WDR44: variants seen among roughly 807,000 people sequenced by gnomAD.
The protein encoded by WDR44 is WD repeat domain 44.
A neutral mutation model predicts 65.7 loss-of-function variants in WDR44; 9 were observed. The ratio of observed to expected loss-of-function variants is 0.14; its 90% CI spans 0.08 to 0.24. The LOEUF (loss-of-function observed/expected upper bound fraction) is 0.24. Among genes scored for constraint, WDR44 ranks in the 10% least tolerant of loss-of-function variants. The pLI is 1.00. For missense variants in WDR44, 425 were observed against 670.9 expected (o/e 0.63, Z 4.05); for synonymous variants, 220 against 235.2 (o/e 0.94, Z 0.59).
chrX:118,394,771 G>A (rs1371714504), intron 5 of WDR44, among the ~76,000 whole-genome samples: 1 of 111,258 alleles, frequency 9.0e-6, no homozygotes, highest in African/African-American at 3.3e-5. Flanking sequence ...GCAGGGGTCA[G>A]TAGTGGCCTG....
At chrX:118,440,949 CTTTTTTTTTTTTTT>C (rs1214126337) in intron 14 of WDR44, among the ~76,000 whole-genome samples, 3 of 50,359 alleles carry the variant, frequency 6.0e-5, no homozygotes, top group Non-Finnish European at 1.0e-4. Flanking sequence ...TAAATGAAAT[CTTTTTTTTTTTTTT>C]TTTTTTTTTT....
intron 12 of WDR44, among the ~76,000 whole-genome samples, chrX:118,424,714 T>G: frequency 9.0e-6 from 1 of 110,965 alleles, no homozygotes; most frequent in East Asian, 2.8e-4. Context: ...TACAGTCCCG[T>G]TTGTCTATTT....
rs184080675 is a variant in WDR44 at position 118,441,078 on chromosome X, G to A, written c.1975-290G>A. 5.9e-3 allele frequency among the ~76,000 whole-genome samples: 600 copies of A among 101,094 alleles called. 3 individuals carry two copies. Among genetic ancestry groups the A allele is most frequent in the African/African-American group, 0.021 (566 of 26,965 alleles). The allele number at this position is 101,094 out of a possible 115,157, so 87.8% of individuals were successfully genotyped here. A position where few individuals can be genotyped will look rare whatever the true frequency, so the allele number is the denominator to read the frequency against. ...GGGTTCAAGCGATTCTCCTGCCTCAGCCTCCCGAGTAGCTGGGACTACAGC... is the reference window on the plus strand; with the variant it reads ...GGGTTCAAGCGATTCTCCTGCCTCAACCTCCCGAGTAGCTGGGACTACAGC... On this transcript the variant is annotated intron_variant, in intron 14 of 19. Transcript: ENST00000254029.
At position 118,394,036 on chromosome X, in the gene WDR44, GTTA is replaced by G. The variant is rs752977752; in HGVS notation, c.827-11_827-9del. 6 of 1,192,254 alleles carry G rather than the reference GTTA, an allele frequency of 5.0e-6. No individual in the cohort carries two copies. Among genetic ancestry groups the G allele is most frequent in the East Asian group, 3.0e-5 (1 of 33,520 alleles). ...AACAAAAAGGGTTGTTATTATTGTT[GTTA>G]TTATTATCATTGCAGTTCCCAAAGA... On this transcript the variant is annotated splice_polypyrimidine_tract_variant and intron_variant, in intron 4 of 19. Coordinates refer to ENST00000254029, the MANE Select transcript of WDR44 (RefSeq NM_019045.5).
intron 2 of WDR44, among the ~76,000 whole-genome samples, chrX:118,380,911 A>G (rs2056709168): frequency 8.9e-6 from 1 of 111,811 alleles, no homozygotes; most frequent in African/African-American, 3.2e-5. Context: ...ATAGAGAAAA[A>G]TTGGGAAAGC....
intron 13 of WDR44, among the ~76,000 whole-genome samples, chrX:118,435,218 T>A (rs982928441): frequency 6.2e-5 from 7 of 112,594 alleles, no homozygotes; most frequent in Non-Finnish European, 1.3e-4. Flanking sequence ...TTTCATATGC[T>A]CAAAGCAATG....
At chrX:118,402,173 G>A (rs942008887) in intron 8 of WDR44, among the ~76,000 whole-genome samples, 2 of 109,706 alleles carry the variant, frequency 1.8e-5, no homozygotes, top group African/African-American at 6.6e-5. Context: ...GGTGGCTCAT[G>A]CCTGTAATCC....
chrX:118,416,815 C>T (rs757257445), intron 12 of WDR44, among the ~76,000 whole-genome samples: 42 of 110,023 alleles, frequency 3.8e-4, no homozygotes, highest in African/African-American at 1.3e-3. Context: ...ATCGTGTTGC[C>T]GTCTATCTCA....
At position 118,387,316 on chromosome X, in the gene WDR44, CTATT is replaced by C. The variant is rs1175447858; in HGVS notation, c.112-22_112-19del. ...AAGAAAAGATGTCATCATTTGGTCT[CTATT>C]TCTTTTCTTTTTCAAACAGGAAACA... On this transcript the variant is annotated intron_variant, in intron 2 of 19. Transcript: ENST00000254029. 1 of 1,108,588 alleles carries C rather than the reference CTATT, an allele frequency of 9.0e-7. No individual in the cohort carries two copies. Among genetic ancestry groups the C allele is most frequent in the Admixed American group, 2.5e-5 (1 of 39,389 alleles). The allele number at this position is 1,108,588 out of a possible 1,213,427, so 91.4% of individuals were successfully genotyped here.
intron 4 of WDR44, 111 bp from the exon 5 acceptor site, chrX:118,393,944 A>G (rs990328037): frequency 4.5e-6 from 3 of 666,845 alleles, no homozygotes; most frequent in Admixed American, 6.6e-5. Context: ...TGTTTGAACC[A>G]TGGTTTCCCT....
Position 118,346,176 on chromosome X carries a change from A to G in WDR44, c.-328A>G, listed in dbSNP as rs1360432380. On this transcript the variant is annotated 5_prime_UTR_variant, in exon 1 of 20. Coordinates refer to ENST00000254029, the MANE Select transcript of WDR44 (RefSeq NM_019045.5). Reference sequence around the variant, plus strand: ...CTGCGGGAGAAACTGGAGCCGCTGTAGCCGGCGCGCCCTTCTTCCCTTACT... The same window carrying G: ...CTGCGGGAGAAACTGGAGCCGCTGTGGCCGGCGCGCCCTTCTTCCCTTACT... 3.3e-5 allele frequency: 10 copies of G among 301,873 alleles called. No individual in the cohort carries two copies. The highest frequency in any genetic ancestry group is 5.2e-5 in the Non-Finnish European group (9 of 173,537). The allele number at this position is 301,873 out of a possible 1,213,427, so 24.9% of individuals were successfully genotyped here.
chrX:118,391,571 C>T (rs2056820478), intron 3 of WDR44, among the ~76,000 whole-genome samples: 1 of 112,040 alleles, frequency 8.9e-6, no homozygotes, highest in African/African-American at 3.2e-5. Context: ...CATGGTTGGA[C>T]ATGGTGGCAG....
chrX:118,430,023 A>G (rs927966585), intron 12 of WDR44, among the ~76,000 whole-genome samples: 2 of 111,674 alleles, frequency 1.8e-5, no homozygotes, highest in African/African-American at 6.5e-5. Flanking sequence ...TGATGCATCC[A>G]TATTATGCAG....
intron 1 of WDR44, among the ~76,000 whole-genome samples, chrX:118,371,980 T>G (rs1461575064): frequency 1.9e-5 from 2 of 102,863 alleles, no homozygotes; most frequent in African/African-American, 3.7e-5. Context: ...TATTTTTCTA[T>G]TTTTCTTTTT....
intron 1 of WDR44, among the ~76,000 whole-genome samples, chrX:118,377,573 C>G (rs4825572): frequency 0.13 from 14,274 of 110,115 alleles, 792 homozygotes; most frequent in Admixed American, 0.25. Flanking sequence ...CAGGCATTCA[C>G]AGAGCAGTAG....
intron 18 of WDR44, among the ~76,000 whole-genome samples, chrX:118,444,080 T>C (rs2147755633): frequency 9.0e-6 from 1 of 111,376 alleles, no homozygotes; most frequent in Admixed American, 9.6e-5. Flanking sequence ...AGTAAATTCA[T>C]TTAGGCATTA....
At position 118,346,383 on chromosome X, in the gene WDR44, C is replaced by G; in HGVS notation, c.-121C>G. On this transcript the variant is annotated 5_prime_UTR_variant, in exon 1 of 20. Coordinates refer to ENST00000254029, the MANE Select transcript of WDR44 (RefSeq NM_019045.5). ...CTCCTCGCTACAGATCGTCTGCTCCCTCAGCCTCGCCCGAGACCCACTTCC... is the reference window on the plus strand; with the variant it reads ...CTCCTCGCTACAGATCGTCTGCTCCGTCAGCCTCGCCCGAGACCCACTTCC... The G allele has an allele frequency of 1.7e-6, 1 of 597,035 alleles. No homozygotes were observed. The highest frequency in any genetic ancestry group is 3.5e-5 in the East Asian group (1 of 28,335). 49.2% of individuals were successfully genotyped at this position (597,035 alleles called of 1,213,427 possible).
intron 9 of WDR44, among the ~76,000 whole-genome samples, chrX:118,404,868 T>G (rs1267034889): frequency 9.2e-6 from 1 of 108,739 alleles, no homozygotes; most frequent in Middle Eastern, 4.7e-3. Context: ...ACCTGGCTAA[T>G]TTTTTGTGTT....
rs781479711 is a variant in WDR44, at chrX:118,386,911, G to A, written c.112-429G>A. Among the ~76,000 whole-genome samples the A allele has an allele frequency of 1.3e-4, 15 of 111,204 alleles. No individual in the cohort carries two copies. In the South Asian group the frequency reaches 3.7e-3, roughly 28 times the overall value. On this transcript the variant is annotated intron_variant, in intron 2 of 19. Transcript: ENST00000254029. Reference sequence around the variant, plus strand: ...ATCTAAGCCCTTTAGGCTGGGCACAGTGGCTCACACCTATAATCCCAGCAC... The same window carrying A: ...ATCTAAGCCCTTTAGGCTGGGCACAATGGCTCACACCTATAATCCCAGCAC...
Sources: allele counts gnomAD v4.1 joint callset (sites outside exome capture counted in the v4.1 genomes callset), GRCh38; gene constraint gnomAD v4.1.1; transcripts MANE v1.5; gene names NCBI Gene and HGNC (gene_info 2026-07-23, HGNC 2026-07-21).